ARNT: variants seen among roughly 807,000 people sequenced by gnomAD.
ARNT encodes the protein aryl hydrocarbon receptor nuclear translocator, also known as class E basic helix-loop-helix protein 2.
ARNT carries 30 observed loss-of-function variants against 105.0 expected under a neutral mutation model. The observed-to-expected ratio is 0.29, with a 90% CI of 0.21 to 0.39. The LOEUF is 0.39. Among genes scored for constraint, ARNT ranks in the 10% least tolerant of loss-of-function variants. The pLI is 1.00. For synonymous variants in ARNT, 304 were observed against 344.0 expected (o/e 0.88, Z 1.29); for missense variants, 748 against 978.7 (o/e 0.76, Z 3.15).
In ARNT at chr1:150,846,315, A is replaced by G; in HGVS notation, c.183-8T>C. ...ATCTGATCATCATCACACCTGAAGG[A>G]GAGAAAAAGGATTGTTTCAAAGCAT... On this transcript the variant is annotated splice_region_variant and splice_polypyrimidine_tract_variant and intron_variant, in intron 3 of 21. Transcript: ENST00000358595. The G allele has an allele frequency of 1.2e-6, 2 of 1,613,690 alleles. No individual in the cohort carries two copies. Among genetic ancestry groups the G allele is most frequent in the Non-Finnish European group, 1.7e-6 (2 of 1,179,730 alleles).
chr1:150,839,099 T>C (rs985751270), intron 6 of ARNT, among the ~76,000 whole-genome samples: 3 of 152,176 alleles, frequency 2.0e-5, no homozygotes, highest in Non-Finnish European at 4.4e-5. Flanking sequence ...GGATAAGAAA[T>C]AGATTTCTTC....
At chr1:150,851,334 C>T (rs1470352701) in intron 3 of ARNT, among the ~76,000 whole-genome samples, 4 of 152,154 alleles carry the variant, frequency 2.6e-5, no homozygotes, top group South Asian at 4.2e-4. Flanking sequence ...CCCCTCTGCC[C>T]GGCCGCCACC....
At chr1:150,839,314 A>C in intron 6 of ARNT, 127 bp downstream of exon 6, 1 of 832,000 alleles carries the variant, frequency 1.2e-6, no homozygotes, top group Non-Finnish European at 1.9e-6. Context: ...GTTATAGCCA[A>C]GGATTGAAAT....
chr1:150,831,920 A>AT lies in ARNT; in HGVS notation c.870-18_870-17insA. The AT allele has an allele frequency of 1.2e-5, 15 of 1,301,792 alleles. No individual in the cohort carries two copies. Among genetic ancestry groups the AT allele is most frequent in the Non-Finnish European group, 1.4e-5 (13 of 938,828 alleles). The allele number at this position is 1,301,792 out of a possible 1,614,324, so 80.6% of individuals were successfully genotyped here. Reference sequence around the variant, plus strand: ...AGTCCATTCCTAGAAGAGTTACAGGAGTTTGAAAAAAAAAAAAAAAATCTA... The same window carrying AT: ...AGTCCATTCCTAGAAGAGTTACAGGATGTTTGAAAAAAAAAAAAAAAATCTA... On this transcript the variant is annotated splice_polypyrimidine_tract_variant and intron_variant, in intron 9 of 21. Transcript: ENST00000358595.
Position 150,816,286 on chromosome 1 carries a change from A to G in ARNT, c.1923T>C (p.Pro641=), listed in dbSNP as rs1655861339. 2 of 1,607,402 alleles carry G rather than the reference A, an allele frequency of 1.2e-6. No homozygotes were observed. Among genetic ancestry groups the G allele is most frequent in the Admixed American group, 1.7e-5 (1 of 57,812 alleles). ...PTQGATPTWT[P]TTRSGFSAQQ... ...GGGCAGAAAAGCCTGAGCGGGTAGT[A>G]GGGGTCCAAGTTGGGGTTGCTCCTT... The change falls in exon 19 of 22, where the codon CCT becomes CCC. Residue 641 remains proline (P), a synonymous_variant. Coordinates refer to ENST00000358595, the MANE Select transcript of ARNT (RefSeq NM_001668.4).
At chr1:150,825,414 A>G (rs1658004967) in intron 13 of ARNT, among the ~76,000 whole-genome samples, 1 of 152,246 alleles carries the variant, frequency 6.6e-6, no homozygotes, top group African/African-American at 2.4e-5. Flanking sequence ...TAAAGAGGTT[A>G]ATTAACTTGT....
intron 14 of ARNT, 35 bp downstream of exon 14, chr1:150,823,159 A>C (rs758930216): frequency 2.8e-5 from 42 of 1,483,966 alleles, no homozygotes; most frequent in South Asian, 2.0e-4. Context: ...GAACAGAGGA[A>C]AAACAGTTTT....
intron 3 of ARNT, among the ~76,000 whole-genome samples, chr1:150,850,329 C>T (rs1663095648): frequency 6.6e-6 from 1 of 152,158 alleles, no homozygotes; most frequent in South Asian, 2.1e-4. Context: ...CCTCTGATGC[C>T]GAGCCGAAGC....
intron 1 of ARNT, among the ~76,000 whole-genome samples, chr1:150,866,437 T>C (rs587682211): frequency 2.0e-5 from 3 of 152,326 alleles, no homozygotes; most frequent in South Asian, 2.1e-4. Context: ...TGGGCCTTGA[T>C]GTGTGCACAG....
intron 2 of ARNT, among the ~76,000 whole-genome samples, chr1:150,857,488 T>C (rs1028813193): frequency 5.9e-5 from 9 of 152,210 alleles, no homozygotes; most frequent in African/African-American, 2.2e-4. Flanking sequence ...AGTCTTAATA[T>C]GTTACTCATG....
chr1:150,832,743 A>G (rs1659574884), intron 8 of ARNT, among the ~76,000 whole-genome samples: 1 of 152,216 alleles, frequency 6.6e-6, no homozygotes, highest in African/African-American at 2.4e-5. Flanking sequence ...GCCATAGATA[A>G]TATGTAAAAA....
chr1:150,853,072 G>A, intron 2 of ARNT: 1 of 423,428 alleles, frequency 2.4e-6, no homozygotes, highest in Non-Finnish European at 4.4e-6. Context: ...CCTGAGGTCA[G>A]GAGTTCGAGA....
chr1:150,832,534 AAGAT>A, intron 8 of ARNT, 135 bp from the exon 9 acceptor site: 1 of 780,688 alleles, frequency 1.3e-6, no homozygotes, highest in Non-Finnish European at 2.1e-6. Flanking sequence ...ATGAAGGATA[AAGAT>A]AGGTCAAGTT....
intron 14 of ARNT, among the ~76,000 whole-genome samples, chr1:150,820,347 A>G (rs1656792455): frequency 6.6e-6 from 1 of 152,224 alleles, no homozygotes; most frequent in South Asian, 2.1e-4. Context: ...CTCAGGACCT[A>G]GTCTCTGAAT....
At chr1:150,846,401 T>A in intron 3 of ARNT, 94 bp from the exon 4 acceptor site, 1 of 1,288,512 alleles carries the variant, frequency 7.8e-7, no homozygotes, top group African/African-American at 1.5e-5. Context: ...AAATATTCAA[T>A]AGAAAAAAAG....
Position 150,829,920 on chromosome 1 carries a change from G to A in ARNT, c.1016C>T (p.Ala339Val), listed in dbSNP as rs769091600. ...AGQGSKFCLV[A>V]IGRLQVTSSP... ...CATACTTGCCTGCAATCTGCCAATGGCCACTAGGCAAAACTTGCTTCCCTG... is the reference window on the plus strand; with the variant it reads ...CATACTTGCCTGCAATCTGCCAATGACCACTAGGCAAAACTTGCTTCCCTG... The change falls in exon 11 of 22, where the codon GCC becomes GTC. Residue 339 changes from alanine (A) to valine (V), a missense_variant. Around this residue, in one of 4 missense-constraint regions of ARNT, gnomAD observed 291 missense variants for 444.6 expected, o/e 0.65. Transcript: ENST00000358595. The A allele has an allele frequency of 1.2e-6, 2 of 1,614,060 alleles. No individual in the cohort carries two copies. Among genetic ancestry groups the A allele is most frequent in the African/African-American group, 2.7e-5 (2 of 74,916 alleles).
intron 1 of ARNT, among the ~76,000 whole-genome samples, chr1:150,864,775 A>C (rs1255459066): frequency 6.8e-6 from 1 of 147,194 alleles, no homozygotes; most frequent in Non-Finnish European, 1.5e-5. Context: ...AAAATAAATA[A>C]ATAAATAAAT....
chr1:150,842,412 C>T lies in ARNT; in HGVS notation c.272+12G>A. ...ATCTGCTTCATCATGCTAAAAGACA[C>T]TGTTCTCCTACCTGGCAAGTCTCTC... On this transcript the variant is annotated intron_variant, in intron 5 of 21. Transcript: ENST00000358595. The T allele has an allele frequency of 6.2e-7, 1 of 1,611,590 alleles. No individual in the cohort carries two copies. Among genetic ancestry groups the T allele is most frequent in the East Asian group, 2.2e-5 (1 of 44,808 alleles).
intron 8 of ARNT, 45 bp from the exon 9 acceptor site, chr1:150,832,444 T>G (rs778113427): frequency 1.1e-5 from 17 of 1,584,364 alleles, no homozygotes; most frequent in Non-Finnish European, 2.6e-6. Flanking sequence ...GACTGCCCTA[T>G]CAAAGAACTT....
Sources: gnomAD v4.1 joint callset for allele counts (sites outside exome capture counted in the v4.1 genomes callset) on GRCh38, gnomAD v4.1.1 for gene constraint, gnomAD v4.1.1 regional missense constraint, MANE v1.5 for transcripts, NCBI Gene and HGNC (gene_info 2026-07-23, HGNC 2026-07-21) for gene names.